BMP6: variants seen among roughly 807,000 people sequenced by gnomAD.
BMP6 encodes VG-1-R.
In BMP6, 17 loss-of-function variants were observed where a neutral mutation model predicts 54.1. The observed-to-expected ratio is 0.31, with a 90% CI of 0.22 to 0.47. The LOEUF (loss-of-function observed/expected upper bound fraction) is 0.47, where lower values mean the gene tolerates loss of function less well. Ranked by LOEUF, BMP6 falls within the 20% of genes least tolerant of loss-of-function variation. BMP6 has a pLI of 1.00. For missense variants in BMP6, 720 were observed against 690.4 expected (o/e 1.04, Z -0.48); for synonymous variants, 328 against 291.2 (o/e 1.13, Z -1.28).
At chr6:7,838,019 G>A (rs373155424) in intron 1 of BMP6, among the ~76,000 whole-genome samples, 23 of 152,108 alleles carry the variant, frequency 1.5e-4, no homozygotes, top group East Asian at 1.3e-3. Flanking sequence ...AGAAGGAGCT[G>A]AAAGGCTCCC....
chr6:7,781,029 C>G (rs184449224), intron 1 of BMP6, among the ~76,000 whole-genome samples: 1,917 of 152,250 alleles, frequency 0.013, 42 homozygotes, highest in African/African-American at 0.043. Flanking sequence ...TTTTTTCAAT[C>G]TGTACCTCTT....
intron 1 of BMP6, among the ~76,000 whole-genome samples, chr6:7,766,975 T>TA (rs1288482131): frequency 2.4e-4 from 35 of 144,168 alleles, no homozygotes; most frequent in African/African-American, 9.0e-4. Flanking sequence ...TTTATTTTTT[T>TA]AAATGATAGT....
At chr6:7,790,514 CAAAAAAAAAAAAAAA>C (rs35572440) in intron 1 of BMP6, among the ~76,000 whole-genome samples, 32 of 73,498 alleles carry the variant, frequency 4.4e-4, no homozygotes, top group South Asian at 5.2e-4. Flanking sequence ...GACCCTGTCT[CAAAAAAAAAAAAAAA>C]AAAAAAAAAA....
At chr6:7,738,931 C>A (rs775973324) in intron 1 of BMP6, among the ~76,000 whole-genome samples, 6 of 152,112 alleles carry the variant, frequency 3.9e-5, no homozygotes, top group Non-Finnish European at 5.9e-5. Flanking sequence ...GCTCTTCTTG[C>A]TTTTCTCTTA....
intron 1 of BMP6, among the ~76,000 whole-genome samples, chr6:7,779,323 CTTAT>C (rs1214747473): frequency 1.3e-5 from 2 of 149,624 alleles, no homozygotes; most frequent in Non-Finnish European, 2.9e-5. Context: ...AATTTGTAAA[CTTAT>C]TTATTTTTTT....
chr6:7,735,284 GA>G (rs541331592), intron 1 of BMP6, among the ~76,000 whole-genome samples: 1 of 152,008 alleles, frequency 6.6e-6, no homozygotes, highest in Non-Finnish European at 1.5e-5. Context: ...ACATGGGCTG[GA>G]AAAAAAATTC....
intron 1 of BMP6, among the ~76,000 whole-genome samples, chr6:7,815,282 G>A (rs1561780867): frequency 6.6e-6 from 1 of 152,166 alleles, no homozygotes; most frequent in Non-Finnish European, 1.5e-5. Context: ...ATTTTTGGAT[G>A]TGCCGCAACT....
intron 1 of BMP6, among the ~76,000 whole-genome samples, chr6:7,729,734 G>A (rs1224279528): frequency 1.3e-5 from 2 of 152,206 alleles, no homozygotes; most frequent in Admixed American, 1.3e-4. Context: ...GAAGAGCAAA[G>A]CTTTCAAACA....
intron 1 of BMP6, among the ~76,000 whole-genome samples, chr6:7,815,682 T>A (rs189034304): frequency 6.6e-6 from 1 of 152,142 alleles, no homozygotes; most frequent in African/African-American, 2.4e-5. Context: ...ATACTAAAAT[T>A]TAAAAATACA....
At chr6:7,789,799 G>A (rs1012255346) in intron 1 of BMP6, among the ~76,000 whole-genome samples, 1 of 152,180 alleles carries the variant, frequency 6.6e-6, no homozygotes, top group Non-Finnish European at 1.5e-5. Flanking sequence ...TCAAGATGAA[G>A]CAGGCTCTTT....
chr6:7,878,946 A>G lies in BMP6; in HGVS notation c.1205-128A>G, dbSNP rs979840360. The G allele has an allele frequency of 5.6e-6, 5 of 889,342 alleles. No individual in the cohort carries two copies. In the African/African-American group the frequency reaches 6.6e-5, roughly 12 times the overall value. The allele number at this position is 889,342 out of a possible 1,614,324, so 55.1% of individuals were successfully genotyped here. A position where few individuals can be genotyped will look rare whatever the true frequency, so the allele number is the denominator to read the frequency against. Reference sequence around the variant, plus strand: ...AACCTGATGTAGCTGTTGGGTGACCATACTTGTATCTAGGAGGCTATCCTG... The same window carrying G: ...AACCTGATGTAGCTGTTGGGTGACCGTACTTGTATCTAGGAGGCTATCCTG... On this transcript the variant is annotated intron_variant, in intron 4 of 6. Transcript: ENST00000283147.
intron 2 of BMP6, among the ~76,000 whole-genome samples, chr6:7,854,349 A>T (rs1265975998): frequency 1.3e-5 from 2 of 152,150 alleles, no homozygotes; most frequent in Non-Finnish European, 2.9e-5. Context: ...AAAATAAAAA[A>T]CTTTTTTAAA....
rs950127164 is a variant in BMP6 at position 7,804,547 on chromosome 6, C to G, written c.665-40593C>G. ...CCAATTTCACATTCAGTCTGGACTT[C>G]AATGGGGATGAAGATTTTAGAACCC... On this transcript the variant is annotated intron_variant, in intron 1 of 6. Transcript: ENST00000283147. Among the ~76,000 whole-genome samples the G allele has an allele frequency of 9.9e-5, 15 of 152,270 alleles. No individual in the cohort carries two copies. The South Asian group carries it at 1.2e-3, about 13-fold the overall frequency.
rs1211594253 is a variant in BMP6, at chr6:7,825,739, A to C, written c.665-19401A>C. Among the ~76,000 whole-genome samples, 5 of 150,534 alleles carry C rather than the reference A, an allele frequency of 3.3e-5. No individual in the cohort carries two copies. In the East Asian group the frequency reaches 7.8e-4, roughly 23 times the overall value. ...CCATCTCGAAAAAAAAAAAACAAAA[A>C]CCAAAAAAAAAACTTTAGTGTTTTT... On this transcript the variant is annotated intron_variant, in intron 1 of 6. Coordinates refer to ENST00000283147, the MANE Select transcript of BMP6 (RefSeq NM_001718.6).
intron 2 of BMP6, among the ~76,000 whole-genome samples, chr6:7,856,614 T>TTTTTTTTTTTTTTTTTTTTTTTTTTTTTG (rs1491363620): frequency 1.1e-5 from 1 of 95,134 alleles, no homozygotes; most frequent in African/African-American, 3.9e-5. Context: ...TTTTTTTTTT[T>TTTTTTTTTTTTTTTTTTTTTTTTTTTTTG]GAGACGGAGT....
chr6:7,728,639 A>G (rs958551846), intron 1 of BMP6, among the ~76,000 whole-genome samples: 5 of 152,264 alleles, frequency 3.3e-5, no homozygotes, highest in South Asian at 2.1e-4. Flanking sequence ...TAGCGCAGAC[A>G]TAGGATGGAG....
intron 1 of BMP6, among the ~76,000 whole-genome samples, chr6:7,807,008 T>G (rs1407980350): frequency 1.3e-5 from 2 of 152,228 alleles, no homozygotes; most frequent in Non-Finnish European, 2.9e-5. Flanking sequence ...TTCCACTGTT[T>G]CTCTGCTATC....
chr6:7,881,011 C>T lies in BMP6; in HGVS notation c.*668C>T, dbSNP rs1759713020. 2 of 153,326 alleles carry T rather than the reference C, an allele frequency of 1.3e-5. No homozygotes were observed. Among genetic ancestry groups the T allele is most frequent in the Admixed American group, 1.3e-4 (2 of 15,506 alleles). The allele number at this position is 153,326 out of a possible 1,614,324, so 9.5% of individuals were successfully genotyped here. ...CATTTGCTGTACTCTTTGCTAGTAC[C>T]AAAAGTAGACTGATTACACTGAGGT... On this transcript the variant is annotated 3_prime_UTR_variant, in exon 7 of 7. Coordinates refer to ENST00000283147, the MANE Select transcript of BMP6 (RefSeq NM_001718.6).
intron 1 of BMP6, among the ~76,000 whole-genome samples, chr6:7,752,289 G>A (rs542979791): frequency 2.5e-4 from 38 of 152,324 alleles, no homozygotes; most frequent in African/African-American, 8.4e-4. Context: ...TGGCTCATGA[G>A]CTGTAGCTTG....
Sources: gnomAD v4.1 joint callset for allele counts (sites outside exome capture counted in the v4.1 genomes callset) on GRCh38, gnomAD v4.1.1 for gene constraint, MANE v1.5 for transcripts, NCBI Gene and HGNC (gene_info 2026-07-23, HGNC 2026-07-21) for gene names.